Variants in FAM171A1 observed in about 807,000 individuals in gnomAD.
The protein encoded by FAM171A1 is protein FAM171A1.
In FAM171A1, 23 loss-of-function variants were observed where a neutral mutation model predicts 74.9. The observed-to-expected ratio is 0.31, with a 90% CI of 0.22 to 0.44. FAM171A1 has a LOEUF of 0.44. FAM171A1 is among the 20% of genes least tolerant of loss of function. The probability of loss-of-function intolerance (pLI) is 1.00; values close to 1 mark genes in which losing one functional copy is unlikely to be tolerated. For synonymous variants in FAM171A1, 527 were observed against 505.7 expected (o/e 1.04, Z -0.57); for missense variants, 1,162 against 1,159.2 (o/e 1.00, Z -0.03).
Position 15,213,661 on chromosome 10 carries a change from T to C in FAM171A1, c.1927A>G (p.Ile643Val). ...IQPQPLSSQA[I>V]SQQHLQDAGT... ...GCATCCTGCAGGTGCTGCTGAGAGA[T>C]GGCCTGGGAAGACAGGGGCTGGGGC... is the stretch of plus-strand genomic sequence containing the variant. The change falls in exon 8 of 8, where the codon ATC (isoleucine) becomes GTC (valine). Residue 643 changes from isoleucine (I) to valine (V), a missense_variant. By Grantham distance (29) the Ile-to-Val change is conservative (BLOSUM62 3). Coordinates refer to ENST00000378116, the MANE Select transcript of FAM171A1 (RefSeq NM_001010924.2). This position sits in a 1 kb window ranked among gnomAD's most constrained non-coding sequence, Gnocchi z 6.8. 6.2e-7 allele frequency: 1 copy of C among 1,613,814 alleles called. No homozygotes were observed. Among genetic ancestry groups the C allele is most frequent in the Non-Finnish European group, 8.5e-7 (1 of 1,179,828 alleles).
chr10:15,274,321 C>T (rs1356937530), intron 3 of FAM171A1, among the ~76,000 whole-genome samples: 2 of 152,198 alleles, frequency 1.3e-5, no homozygotes, highest in African/African-American at 4.8e-5. Context: ...AGGAATCCAA[C>T]TTACAAGGGA....
At chr10:15,333,512 A>G (rs10796280) in intron 1 of FAM171A1, among the ~76,000 whole-genome samples, 2 of 151,172 alleles carry the variant, frequency 1.3e-5, no homozygotes, top group African/African-American at 4.9e-5. Context: ...AAAACAAACA[A>G]ATAGACAACC....
At chr10:15,362,710 C>A (rs757022879) in intron 1 of FAM171A1, among the ~76,000 whole-genome samples, 24 of 152,254 alleles carry the variant, frequency 1.6e-4, no homozygotes, top group Admixed American at 1.3e-3. Flanking sequence ...GGCGACAGAG[C>A]GAGACTCTGT....
chr10:15,320,436 G>A (rs540179561), intron 1 of FAM171A1, among the ~76,000 whole-genome samples: 4 of 152,300 alleles, frequency 2.6e-5, no homozygotes, highest in African/African-American at 4.8e-5. Flanking sequence ...AAACATATGC[G>A]TACATGTCTC....
chr10:15,251,140 T>C (rs767334482), intron 4 of FAM171A1, among the ~76,000 whole-genome samples: 37 of 152,176 alleles, frequency 2.4e-4, no homozygotes, highest in Admixed American at 4.6e-4. Context: ...CCTGCATCTA[T>C]GGAAATAAGT....
chr10:15,289,082 A>G (rs1835073514), intron 1 of FAM171A1, among the ~76,000 whole-genome samples: 1 of 152,098 alleles, frequency 6.6e-6, no homozygotes, highest in South Asian at 2.1e-4. Context: ...TTGGCCTCCC[A>G]AAGCACTGGG....
intron 1 of FAM171A1, among the ~76,000 whole-genome samples, chr10:15,290,381 T>C (rs1835088984): frequency 6.6e-6 from 1 of 152,154 alleles, no homozygotes; most frequent in Admixed American, 6.5e-5. Context: ...ACACTTCCCT[T>C]CCATGTTGCT....
At chr10:15,309,237 C>G (rs1050754858) in intron 1 of FAM171A1, among the ~76,000 whole-genome samples, 1 of 152,220 alleles carries the variant, frequency 6.6e-6, no homozygotes, top group African/African-American at 2.4e-5. Context: ...GAGACAGGGC[C>G]TTGTTCTGTT....
chr10:15,237,153 T>G (rs914016483), intron 5 of FAM171A1, among the ~76,000 whole-genome samples: 1 of 152,092 alleles, frequency 6.6e-6, no homozygotes, highest in Non-Finnish European at 1.5e-5. Flanking sequence ...ATCCACAAAG[T>G]GAATACTCCA....
intron 1 of FAM171A1, among the ~76,000 whole-genome samples, chr10:15,353,047 A>C (rs945508098): frequency 7.9e-5 from 12 of 152,214 alleles, no homozygotes; most frequent in African/African-American, 2.4e-4. Flanking sequence ...TGGGCTACAA[A>C]CTTGACCAGA....
chr10:15,370,000 T>C (rs780694937), intron 1 of FAM171A1, among the ~76,000 whole-genome samples: 1 of 152,176 alleles, frequency 6.6e-6, no homozygotes, highest in Non-Finnish European at 1.5e-5. Context: ...AGTGGCCCTT[T>C]TGAAAACGCC....
chr10:15,216,039 A>C lies in FAM171A1; in HGVS notation c.943T>G (p.Phe315Val), dbSNP rs1459327131. Reference sequence around the variant, plus strand: ...AGACACAGCAAAACCAAAAGTATGAAAGCCATTCCTCCTAAAATGGCCAAA... The same window carrying C: ...AGACACAGCAAAACCAAAAGTATGACAGCCATTCCTCCTAAAATGGCCAAA... ...FLLAILGGMA[F>V]ILLVLLCLLL... The change falls in exon 7 of 8, where the codon TTC (phenylalanine) becomes GTC (valine). Residue 315 changes from phenylalanine to valine, a missense_variant. By Grantham distance (50) the Phe-to-Val change is conservative. Transcript: ENST00000378116. 2 of 1,611,700 alleles carry C rather than the reference A, an allele frequency of 1.2e-6. No individual in the cohort carries two copies. Among genetic ancestry groups the C allele is most frequent in the Admixed American group, 3.4e-5 (2 of 59,098 alleles).
At chr10:15,217,168 C>T (rs1430128529) in intron 6 of FAM171A1, among the ~76,000 whole-genome samples, 1 of 152,186 alleles carries the variant, frequency 6.6e-6, no homozygotes, top group Non-Finnish European at 1.5e-5. Flanking sequence ...GGTAGCTTAA[C>T]TCACATTTTA....
At chr10:15,218,321 C>T (rs138546877) in intron 6 of FAM171A1, among the ~76,000 whole-genome samples, 19 of 152,194 alleles carry the variant, frequency 1.2e-4, no homozygotes, top group Non-Finnish European at 2.1e-4. Flanking sequence ...CCTCATGATT[C>T]GCCCACTTTG....
intron 3 of FAM171A1, among the ~76,000 whole-genome samples, chr10:15,264,603 G>C (rs1278182549): frequency 2.0e-5 from 3 of 150,726 alleles, no homozygotes; most frequent in Non-Finnish European, 4.4e-5. Context: ...TGGGCAACAT[G>C]GTGAAACCCT....
At chr10:15,308,931 G>A (rs1409580737) in intron 1 of FAM171A1, among the ~76,000 whole-genome samples, 1 of 152,002 alleles carries the variant, frequency 6.6e-6, no homozygotes, top group African/African-American at 2.4e-5. Context: ...CTCCCAGTAT[G>A]CTGGGATTAC....
intron 1 of FAM171A1, among the ~76,000 whole-genome samples, chr10:15,330,712 T>C (rs1835618403): frequency 2.1e-5 from 1 of 47,308 alleles, no homozygotes; most frequent in Non-Finnish European, 4.4e-5. Flanking sequence ...TTCTTCTTCT[T>C]CTTTTTTTTT....
intron 5 of FAM171A1, among the ~76,000 whole-genome samples, chr10:15,247,438 G>A (rs1349088840): frequency 1.3e-5 from 2 of 150,276 alleles, no homozygotes; most frequent in African/African-American, 4.9e-5. Flanking sequence ...CACCCAAACA[G>A]TACCCAGCAC....
chr10:15,358,620 C>A (rs1341538126), intron 1 of FAM171A1, among the ~76,000 whole-genome samples: 1 of 152,190 alleles, frequency 6.6e-6, no homozygotes, highest in Non-Finnish European at 1.5e-5. Flanking sequence ...TATTGGACCT[C>A]CCTAAGAGCT....
Sources: allele counts gnomAD v4.1 joint callset (sites outside exome capture counted in the v4.1 genomes callset), GRCh38; gene constraint gnomAD v4.1.1; non-coding constraint Gnocchi (gnomAD v3.1); transcripts MANE v1.5; gene names NCBI Gene and HGNC (gene_info 2026-07-23, HGNC 2026-07-21).